FAM83F: variants seen among roughly 807,000 people sequenced by gnomAD.
The protein encoded by FAM83F is scaffolding CK1 anchoring protein F.
Under a neutral mutation model 42.9 loss-of-function variants are expected in FAM83F, and 45 were observed. The ratio of observed to expected loss-of-function variants is 1.05; its 90% CI spans 0.83 to 1.35. FAM83F has a LOEUF of 1.35. Among genes scored for constraint, FAM83F ranks in the 40% most tolerant of loss-of-function variants. The probability of loss-of-function intolerance (pLI) is 0.00; values close to 1 mark genes in which losing one functional copy is unlikely to be tolerated. For missense variants in FAM83F, 617 were observed against 695.9 expected (o/e 0.89, Z 1.28); for synonymous variants, 306 against 298.3 (o/e 1.03, Z -0.27).
intron 1 of FAM83F, among the ~76,000 whole-genome samples, chr22:40,012,498 G>A (rs868411945): frequency 1.6e-4 from 25 of 152,044 alleles, no homozygotes; most frequent in African/African-American, 4.1e-4. Flanking sequence ...TGCCTGGTGC[G>A]GTGGTTCATA....
chr22:40,006,068 C>T (rs1343922177), intron 1 of FAM83F, among the ~76,000 whole-genome samples: 4 of 152,234 alleles, frequency 2.6e-5, no homozygotes, highest in East Asian at 1.9e-4. Context: ...GGCGAAGCCC[C>T]GTCTCTACTG....
In FAM83F at chr22:40,021,313, T is replaced by C. The variant is rs1166227376; in HGVS notation, c.803T>C (p.Val268Ala). ...SYRFTWSSSH[V>A]DRNLLLLLTG... Reference sequence around the variant, plus strand: ...AGGTTCACCTGGAGTTCCTCCCATGTGGACAGAAACCTCCTCCTGCTCCTG... The same window carrying C: ...AGGTTCACCTGGAGTTCCTCCCATGCGGACAGAAACCTCCTCCTGCTCCTG... The change falls in exon 4 of 5, where the codon GTG becomes GCG. Residue 268 changes from valine to alanine, a missense_variant. Val to Ala is a moderately conservative substitution (Grantham distance 64, BLOSUM62 0). Coordinates refer to ENST00000333407, the MANE Select transcript of FAM83F (RefSeq NM_138435.4). This position sits in a 1 kb window ranked among gnomAD's most constrained non-coding sequence, Gnocchi z 8.7. 2 of 1,557,772 alleles carry C rather than the reference T, an allele frequency of 1.3e-6. No individual in the cohort carries two copies.
In FAM83F at chr22:40,033,128, A is replaced by C. The variant is rs1240223776; in HGVS notation, c.*3563A>C. 6.6e-6 allele frequency: 1 copy of C among 152,068 alleles called. No homozygotes were observed. The highest frequency in any genetic ancestry group is 1.5e-5 in the Non-Finnish European group (1 of 68,024). 9.4% of individuals were successfully genotyped at this position (152,068 alleles called of 1,614,324 possible). On this transcript the variant is annotated 3_prime_UTR_variant, in exon 5 of 5. Transcript: ENST00000333407. Reference sequence around the variant, plus strand: ...GAGACAATGTCTTGCTCTGTCGATCAGGCTGGAGTGCAGTGGCGTCATCTC... The same window carrying C: ...GAGACAATGTCTTGCTCTGTCGATCCGGCTGGAGTGCAGTGGCGTCATCTC...
chr22:40,007,665 C>T (rs529258519), intron 1 of FAM83F, among the ~76,000 whole-genome samples: 2 of 129,922 alleles, frequency 1.5e-5, no homozygotes, highest in East Asian at 4.8e-4. Flanking sequence ...CGTTTCCTCT[C>T]CTCTCCTCCT....
chr22:39,995,052 TC>T lies in FAM83F; in HGVS notation c.13del (p.Gln5SerfsTer2). The T allele has an allele frequency of 7.8e-7, 1 of 1,289,208 alleles. No homozygotes were observed. Among genetic ancestry groups the T allele is most frequent in the South Asian group, 2.5e-5 (1 of 40,322 alleles). The allele number at this position is 1,289,208 out of a possible 1,614,324, so 79.9% of individuals were successfully genotyped here. On this transcript the variant is annotated frameshift_variant, in exon 1 of 5. Coordinates refer to ENST00000333407, the MANE Select transcript of FAM83F (RefSeq NM_138435.4). LOFTEE classifies it high-confidence loss of function. This position sits in a 1 kb window ranked among gnomAD's most constrained non-coding sequence, Gnocchi z 4.6. MAESQLNCLDEAHV... is the reference protein window; with the variant it reads MAEXQLNCLDEAHV... ...CCGGGGCCGGGGCGCCATGGCCGAG[TC>T]CCAGCTGAACTGCCTGGACGAGGCG...
chr22:40,009,310 C>T (rs1426296451), intron 1 of FAM83F, among the ~76,000 whole-genome samples: 1 of 152,120 alleles, frequency 6.6e-6, no homozygotes, highest in Non-Finnish European at 1.5e-5. Context: ...CTTTTTCACA[C>T]CCACAGAAGG....
chr22:40,028,261 G>A (rs781677649), intron 4 of FAM83F, among the ~76,000 whole-genome samples: 15 of 152,364 alleles, frequency 9.8e-5, no homozygotes, highest in East Asian at 1.9e-4. Context: ...GCCCGAGGCC[G>A]TGGGTCACAG....
rs2067525032 is a variant in FAM83F, at chr22:40,021,878, G to A, written c.1368G>A (p.Met456Ile). 6.2e-7 allele frequency: 1 copy of A among 1,609,544 alleles called. No homozygotes were observed. The highest frequency in any genetic ancestry group is 8.5e-7 in the Non-Finnish European group (1 of 1,178,208). ...AGAGGCCTGCGGCGCCCAATGGCAT[G>A]GCCAGCTCTGTCTCCACCGAGACCT... ...RAKRPAAPNG[M>I]ASSVSTETSE... is the part of the protein sequence containing the mutation. Residue 456 changes from methionine (M) to isoleucine (I), a missense_variant, in exon 4 of 5, where the codon ATG (methionine) becomes ATA (isoleucine). Physicochemically the swap from Met to Ile is conservative, Grantham distance 10. Coordinates refer to ENST00000333407, the MANE Select transcript of FAM83F (RefSeq NM_138435.4). This position sits in a 1 kb window ranked among gnomAD's most constrained non-coding sequence, Gnocchi z 8.7.
chr22:40,000,169 T>TTCCCTGGGGAACTCCTTTAA (rs1391796376), intron 1 of FAM83F, among the ~76,000 whole-genome samples: 1 of 152,176 alleles, frequency 6.6e-6, no homozygotes, highest in Non-Finnish European at 1.5e-5. Flanking sequence ...GAATTGCACA[T>TTCCCTGGGGAACTCCTTTAA]TCCCTGGGGA....
rs544211504 is a variant in FAM83F at position 40,009,090 on chromosome 22, G to A, written c.490-10078G>A. Among the ~76,000 whole-genome samples, 7 of 152,294 alleles carry A rather than the reference G, an allele frequency of 4.6e-5. No individual in the cohort carries two copies. The South Asian group carries it at 1.0e-3, about 23-fold the overall frequency. ...TCCCTCATAACTGCACAGCGTTTTT[G>A]TGGGATTTCGTGGGCATGATCTCAT... On this transcript the variant is annotated intron_variant, in intron 1 of 4. Coordinates refer to ENST00000333407, the MANE Select transcript of FAM83F (RefSeq NM_138435.4).
Position 40,019,207 on chromosome 22 carries a change from A to G in FAM83F, c.529A>G (p.Ile177Val), listed in dbSNP as rs752936053. The G allele has an allele frequency of 5.0e-6, 8 of 1,614,166 alleles. No individual in the cohort carries two copies. The highest frequency in any genetic ancestry group is 6.8e-6 in the Non-Finnish European group (8 of 1,180,032). ...VVMDLFTDGD[I>V]FQDIVDAACK... ...CATGGACCTCTTCACTGATGGTGATATCTTTCAAGACATTGTGGATGCTGC... is the reference window on the plus strand; with the variant it reads ...CATGGACCTCTTCACTGATGGTGATGTCTTTCAAGACATTGTGGATGCTGC... Residue 177 changes from isoleucine to valine, a missense_variant, in exon 2 of 5, where the codon ATC (isoleucine) becomes GTC (valine). By Grantham distance (29) the Ile-to-Val change is conservative (BLOSUM62 3). Coordinates refer to ENST00000333407, the MANE Select transcript of FAM83F (RefSeq NM_138435.4).
In FAM83F at chr22:39,995,147, G is replaced by A; in HGVS notation, c.105G>A (p.Leu35=). Residue 35 remains leucine, a synonymous_variant, in exon 1 of 5, where the codon CTG becomes CTA. Transcript: ENST00000333407. This position sits in a 1 kb window ranked among gnomAD's most constrained non-coding sequence, Gnocchi z 4.6. The part of the protein sequence containing the change: ...FYYCERRRAA[L]EALLGGGEQA... ...ACTGCGAGCGGCGGCGGGCCGCGCT[G>A]GAGGCGCTGCTGGGCGGCGGCGAGC... 7.2e-7 allele frequency: 1 copy of A among 1,380,418 alleles called. No homozygotes were observed. The highest frequency in any genetic ancestry group is 1.7e-5 in the South Asian group (1 of 58,646). 85.5% of individuals were successfully genotyped at this position (1,380,418 alleles called of 1,614,324 possible).
rs115226122 is a variant in FAM83F at position 40,002,496 on chromosome 22, C to T, written c.489+6965C>T. Among the ~76,000 whole-genome samples the T allele has an allele frequency of 2.5e-3, 387 of 152,298 alleles. 3 individuals carry two copies. The highest frequency in any genetic ancestry group is 8.6e-3 in the African/African-American group (358 of 41,554). On this transcript the variant is annotated intron_variant, in intron 1 of 4. Transcript: ENST00000333407. ...GCCTCAGTAAACTTCATGACCTTCTCTTGAAGGTTCACGGTAGCAAAGCCA... is the reference window on the plus strand; with the variant it reads ...GCCTCAGTAAACTTCATGACCTTCTTTTGAAGGTTCACGGTAGCAAAGCCA...
At chr22:40,017,564 T>C (rs1353135704) in intron 1 of FAM83F, among the ~76,000 whole-genome samples, 4 of 152,222 alleles carry the variant, frequency 2.6e-5, no homozygotes, top group Non-Finnish European at 4.4e-5. Flanking sequence ...TGCATCTCAC[T>C]AAGTCCTGGG....
intron 1 of FAM83F, among the ~76,000 whole-genome samples, chr22:40,009,332 G>A (rs2067451299): frequency 6.6e-6 from 1 of 152,140 alleles, no homozygotes; most frequent in Non-Finnish European, 1.5e-5. Context: ...GTGAAGCTGG[G>A]GCTCTTTGCA....
rs1046308112 is a variant in FAM83F, at chr22:39,995,003, G to GCGGGGC, written c.-32_-27dup. The GCGGGGC allele has an allele frequency of 9.7e-5, 117 of 1,209,258 alleles. No homozygotes were observed. In the African/African-American group the frequency reaches 1.6e-3, roughly 16 times the overall value. The allele number at this position is 1,209,258 out of a possible 1,614,324, so 74.9% of individuals were successfully genotyped here. A position where few individuals can be genotyped will look rare whatever the true frequency, so the allele number is the denominator to read the frequency against. On this transcript the variant is annotated 5_prime_UTR_variant, in exon 1 of 5. Coordinates refer to ENST00000333407, the MANE Select transcript of FAM83F (RefSeq NM_138435.4). This position sits in a 1 kb window ranked among gnomAD's most constrained non-coding sequence, Gnocchi z 4.6. ...TGCGGCTGTGGGACCTCGGACCGCG[G>GCGGGGC]CGGGGCCGGGGCCAGGGCCGGGGCC...
rs1213288729 is a variant in FAM83F at position 40,039,668 on chromosome 22, A to G, written c.*10103A>G. 1 of 152,280 alleles carries G rather than the reference A, an allele frequency of 6.6e-6. No homozygotes were observed. Among genetic ancestry groups the G allele is most frequent in the Non-Finnish European group, 1.5e-5 (1 of 68,068 alleles). 9.4% of individuals were successfully genotyped at this position (152,280 alleles called of 1,614,324 possible). A position where few individuals can be genotyped will look rare whatever the true frequency, so the allele number is the denominator to read the frequency against. ...AGCGTCGCACGCCCCCAGAGACAAC[A>G]TAAGGAGAGAAGTGCAGACAGATTC... On this transcript the variant is annotated 3_prime_UTR_variant, in exon 5 of 5. Coordinates refer to ENST00000333407, the MANE Select transcript of FAM83F (RefSeq NM_138435.4).
chr22:39,999,074 A>T (rs144084003), intron 1 of FAM83F: 1 of 152,258 alleles, frequency 6.6e-6, no homozygotes, highest in Non-Finnish European at 1.5e-5. Flanking sequence ...TGTGCTAAGC[A>T]TACTTTAGTG....
intron 1 of FAM83F, among the ~76,000 whole-genome samples, chr22:40,001,813 G>C (rs1482171642): frequency 6.6e-6 from 1 of 152,154 alleles, no homozygotes; most frequent in Non-Finnish European, 1.5e-5. Context: ...AGGAGGGAAG[G>C]GTGGCCAAAT....
Sources: gnomAD v4.1 joint callset for allele counts (sites outside exome capture counted in the v4.1 genomes callset) on GRCh38, gnomAD v4.1.1 for gene constraint, Gnocchi (gnomAD v3.1) non-coding constraint, MANE v1.5 for transcripts, NCBI Gene and HGNC (gene_info 2026-07-23, HGNC 2026-07-21) for gene names.